KLF7: variants seen among roughly 807,000 people sequenced by gnomAD.
KLF7 encodes the protein KLF transcription factor 7, also known as Krueppel-like factor 7.
Under a neutral mutation model 27.3 loss-of-function variants are expected in KLF7, and 2 were observed. The ratio of observed to expected loss-of-function variants is 0.07; its 90% confidence interval spans 0.03 to 0.23. The LOEUF (loss-of-function observed/expected upper bound fraction) is 0.23. Among genes scored for constraint, KLF7 ranks in the 10% least tolerant of loss-of-function variants. The pLI is 1.00. For synonymous variants in KLF7, 165 were observed against 162.4 expected (o/e 1.02, Z -0.12); for missense variants, 221 against 394.1 (o/e 0.56, Z 3.72).
At chr2:207,115,073 A>C (rs2077142983) in intron 2 of KLF7, among the ~76,000 whole-genome samples, 1 of 152,164 alleles carries the variant, frequency 6.6e-6, no homozygotes, top group South Asian at 2.1e-4. Context: ...AGAATATAAA[A>C]GGAGTTTTAA....
chr2:207,098,175 TTTTG>T (rs1174279862), intron 2 of KLF7, among the ~76,000 whole-genome samples: 1 of 152,194 alleles, frequency 6.6e-6, no homozygotes, highest in African/African-American at 2.4e-5. Context: ...TTTTTGTTCT[TTTTG>T]TTTTTCAAGG....
At chr2:207,112,178 TGAGTGA>T (rs1553525828) in intron 2 of KLF7, among the ~76,000 whole-genome samples, 8 of 148,240 alleles carry the variant, frequency 5.4e-5, no homozygotes, top group African/African-American at 7.6e-5. Context: ...CAAATGCTTT[TGAGTGA>T]TTAACAACTG....
intron 2 of KLF7, among the ~76,000 whole-genome samples, chr2:207,113,369 T>A (rs987838202): frequency 6.6e-6 from 1 of 152,218 alleles, no homozygotes; most frequent in Non-Finnish European, 1.5e-5. Context: ...TGTGTTTCCA[T>A]AGCTAAAGGA....
chr2:207,099,263 G>C (rs1472230491), intron 2 of KLF7, among the ~76,000 whole-genome samples: 2 of 151,950 alleles, frequency 1.3e-5, no homozygotes, highest in South Asian at 4.2e-4. Flanking sequence ...CCCTACTGGG[G>C]AGGCTTTTGG....
intron 1 of KLF7, among the ~76,000 whole-genome samples, chr2:207,159,990 A>G (rs371377951): frequency 2.0e-5 from 3 of 152,312 alleles, no homozygotes; most frequent in African/African-American, 7.2e-5. Context: ...CTTAGGTAAA[A>G]GCATGTCCCA....
At chr2:207,166,159 C>G, upstream of KLF7, 6 of 985,616 alleles carry the variant, frequency 6.1e-6, no homozygotes, top group Non-Finnish European at 6.0e-6. Flanking sequence ...CGTGGGATCT[C>G]GAGGAGGGCG....
chr2:207,151,465 CTATA>C (rs1176370380), intron 1 of KLF7, among the ~76,000 whole-genome samples: 1 of 151,960 alleles, frequency 6.6e-6, no homozygotes, highest in African/African-American at 2.4e-5. Context: ...GTCCTAGTCT[CTATA>C]AATATGGGGC....
At chr2:207,082,505 G>T (rs2076296642) in intron 3 of KLF7, among the ~76,000 whole-genome samples, 1 of 152,148 alleles carries the variant, frequency 6.6e-6, no homozygotes. Flanking sequence ...AATACCCTTG[G>T]AGGCTAACTG....
upstream of KLF7, chr2:207,166,207 G>C (rs185517618): frequency 1.8e-5 from 18 of 984,940 alleles, no homozygotes; most frequent in African/African-American, 2.6e-4. Flanking sequence ...GGTAAACAGG[G>C]GGCTCATGAA....
chr2:207,154,665 T>C (rs1167878521), intron 1 of KLF7, among the ~76,000 whole-genome samples: 3 of 152,068 alleles, frequency 2.0e-5, no homozygotes, highest in African/African-American at 7.2e-5. Flanking sequence ...CTGTGTATTA[T>C]TATTGAGAGG....
At chr2:207,140,239 C>T (rs935199108) in intron 1 of KLF7, among the ~76,000 whole-genome samples, 3 of 152,178 alleles carry the variant, frequency 2.0e-5, no homozygotes, top group African/African-American at 7.2e-5. Context: ...TTATTGAAGA[C>T]CTTATTTTGG....
At chr2:207,137,387 G>A (rs1391655530) in intron 1 of KLF7, among the ~76,000 whole-genome samples, 1 of 152,144 alleles carries the variant, frequency 6.6e-6, no homozygotes, top group Non-Finnish European at 1.5e-5. Flanking sequence ...CACAGGTGAG[G>A]TCCTTTAAAA....
intron 1 of KLF7, among the ~76,000 whole-genome samples, chr2:207,142,420 T>C (rs1378434199): frequency 6.6e-6 from 1 of 152,204 alleles, no homozygotes; most frequent in Non-Finnish European, 1.5e-5. Context: ...ATATAGGACA[T>C]TGTGCTGGAG....
chr2:207,130,259 C>A (rs1344941750), intron 1 of KLF7, among the ~76,000 whole-genome samples: 2 of 152,190 alleles, frequency 1.3e-5, no homozygotes, highest in South Asian at 4.1e-4. Flanking sequence ...TAAAGTCTAT[C>A]CCCTTCAGGG....
In KLF7 at chr2:207,080,987, A is replaced by G; in HGVS notation, c.*226T>C. 1 of 498,144 alleles carries G rather than the reference A, an allele frequency of 2.0e-6. No homozygotes were observed. Among genetic ancestry groups the G allele is most frequent in the Non-Finnish European group, 3.6e-6 (1 of 281,388 alleles). 30.9% of individuals were successfully genotyped at this position (498,144 alleles called of 1,614,324 possible). A position where few individuals can be genotyped will look rare whatever the true frequency, so the allele number is the denominator to read the frequency against. ...CATCTGGCTAGGGCAAGGCATAAAG[A>G]ATAGACGTATATATTTTAAATATAG... On this transcript the variant is annotated 3_prime_UTR_variant, in exon 4 of 4. Transcript: ENST00000309446.
At chr2:207,082,386 AG>A (rs2076292599) in intron 3 of KLF7, among the ~76,000 whole-genome samples, 1 of 152,184 alleles carries the variant, frequency 6.6e-6, no homozygotes, top group Non-Finnish European at 1.5e-5. Flanking sequence ...ACAGAGAAAA[AG>A]GGGTTCTGGG....
intron 1 of KLF7, among the ~76,000 whole-genome samples, chr2:207,157,777 C>A (rs901342245): frequency 6.6e-6 from 1 of 152,104 alleles, no homozygotes. Flanking sequence ...TTTAGACTTC[C>A]GCTAATTAGA....
At chr2:207,097,478 G>C (rs1218753503) in intron 2 of KLF7, among the ~76,000 whole-genome samples, 1 of 152,234 alleles carries the variant, frequency 6.6e-6, no homozygotes. Flanking sequence ...TTTGTCACCT[G>C]TATGTCCAGG....
At chr2:207,134,103 T>C (rs1291648580) in intron 1 of KLF7, 1 of 1,530,688 alleles carries the variant, frequency 6.5e-7, no homozygotes, top group Non-Finnish European at 8.7e-7. Context: ...AGTTACATCA[T>C]CTCCCCTTCC....
Sources: allele counts gnomAD v4.1 joint callset (sites outside exome capture counted in the v4.1 genomes callset), GRCh38; gene constraint gnomAD v4.1.1; transcripts MANE v1.5; gene names NCBI Gene and HGNC (gene_info 2026-07-23, HGNC 2026-07-21).